Variants in RIN3 observed in about 807,000 individuals in gnomAD.
RIN3 encodes RAB5 interacting protein 3.
A neutral mutation model predicts 76.3 loss-of-function variants in RIN3; 54 were observed. The observed-to-expected ratio is 0.71, with a 90% CI of 0.57 to 0.89. RIN3 has a LOEUF of 0.89. Ranked by LOEUF, RIN3 falls within the 40% of genes least tolerant of loss-of-function variation. The probability of loss-of-function intolerance (pLI) is 0.00; values close to 1 mark genes in which losing one functional copy is unlikely to be tolerated. For synonymous variants in RIN3, 576 were observed against 564.0 expected (o/e 1.02, Z -0.30); for missense variants, 1,256 against 1,322.1 (o/e 0.95, Z 0.78).
At chr14:92,671,273 G>A (rs1366408731) in intron 7 of RIN3, among the ~76,000 whole-genome samples, 1 of 152,112 alleles carries the variant, frequency 6.6e-6, no homozygotes, top group Non-Finnish European at 1.5e-5. Flanking sequence ...GCTGGAGGAT[G>A]TGGGAGAGCA....
Position 92,638,354 on chromosome 14 carries a change from G to A in RIN3, c.441-2884G>A, listed in dbSNP as rs72699853. ...CAGGAGTCCCCCGAGTGTGGGGAAG[G>A]GACTGTGGAGGGCGGATGTTGGGGG... On this transcript the variant is annotated intron_variant, in intron 4 of 9. Transcript: ENST00000216487. Among the ~76,000 whole-genome samples the A allele has an allele frequency of 4.1e-3, 627 of 152,336 alleles. 5 individuals carry two copies. Among genetic ancestry groups the A allele is most frequent in the Non-Finnish European group, 3.6e-3 (245 of 68,036 alleles).
At chr14:92,527,525 CTG>C (rs753430691) in intron 1 of RIN3, among the ~76,000 whole-genome samples, 4 of 152,168 alleles carry the variant, frequency 2.6e-5, no homozygotes, top group Middle Eastern at 3.2e-3. Context: ...CTGTAACAAA[CTG>C]TAATTTACAC....
intron 1 of RIN3, among the ~76,000 whole-genome samples, chr14:92,529,890 TG>T (rs1303718124): frequency 6.6e-6 from 1 of 152,202 alleles, no homozygotes; most frequent in Non-Finnish European, 1.5e-5. Flanking sequence ...GTGAGTTCAG[TG>T]TCAATGAATC....
chr14:92,618,046 A>G (rs1791264257), intron 4 of RIN3, among the ~76,000 whole-genome samples: 1 of 152,200 alleles, frequency 6.6e-6, no homozygotes. Flanking sequence ...AAATGAACCA[A>G]TGTTTCGTTT....
At chr14:92,672,835 C>G (rs747083325) in intron 7 of RIN3, among the ~76,000 whole-genome samples, 26 of 152,140 alleles carry the variant, frequency 1.7e-4, no homozygotes, top group Admixed American at 5.2e-4. Context: ...CTCTTTTCTG[C>G]CCAGCTCCAG....
At chr14:92,610,382 A>G (rs1302382530) in intron 3 of RIN3, among the ~76,000 whole-genome samples, 1 of 151,802 alleles carries the variant, frequency 6.6e-6, no homozygotes, top group Non-Finnish European at 1.5e-5. Context: ...GTCTCTGTTT[A>G]TTTGGCCCAT....
chr14:92,672,782 C>A (rs1888330756), intron 7 of RIN3, among the ~76,000 whole-genome samples: 1 of 152,096 alleles, frequency 6.6e-6, no homozygotes, highest in South Asian at 2.1e-4. Context: ...ATTTTTATCA[C>A]CCCAAAAAGA....
chr14:92,666,341 A>G (rs915935043), intron 7 of RIN3, among the ~76,000 whole-genome samples: 22 of 152,250 alleles, frequency 1.4e-4, no homozygotes, highest in African/African-American at 5.3e-4. Context: ...TTAACTGGCC[A>G]TGCTATCTTC....
chr14:92,541,142 G>A (rs1211603967), intron 1 of RIN3, among the ~76,000 whole-genome samples: 1 of 152,200 alleles, frequency 6.6e-6, no homozygotes, highest in Non-Finnish European at 1.5e-5. Flanking sequence ...AACAGAACCA[G>A]ACAGTGTCAT....
At chr14:92,653,991 C>T (rs1887569099) in intron 6 of RIN3, among the ~76,000 whole-genome samples, 1 of 152,124 alleles carries the variant, frequency 6.6e-6, no homozygotes, top group Non-Finnish European at 1.5e-5. Context: ...GTACTCCAGT[C>T]TGGGTGACAG....
chr14:92,615,561 C>A, intron 4 of RIN3, 82 bp downstream of exon 4: 2 of 1,188,552 alleles, frequency 1.7e-6, no homozygotes, highest in Non-Finnish European at 2.5e-6. Flanking sequence ...GGGGACTTCA[C>A]AGGGAAGCCC....
At chr14:92,676,165 T>C (rs1026888758) in intron 7 of RIN3, among the ~76,000 whole-genome samples, 1 of 151,844 alleles carries the variant, frequency 6.6e-6, no homozygotes, top group East Asian at 1.9e-4. Flanking sequence ...TGAATTTGTC[T>C]GTCAAGCAAG....
intron 7 of RIN3, among the ~76,000 whole-genome samples, chr14:92,665,629 C>T (rs1378808477): frequency 1.3e-5 from 2 of 152,054 alleles, no homozygotes; most frequent in Non-Finnish European, 2.9e-5. Flanking sequence ...GATCCACCCA[C>T]CTCGGCCTCT....
chr14:92,546,213 C>G (rs1897261987), intron 1 of RIN3, among the ~76,000 whole-genome samples: 1 of 152,096 alleles, frequency 6.6e-6, no homozygotes, highest in Non-Finnish European at 1.5e-5. Context: ...GCTTGAGCCA[C>G]TGTGCCTGGC....
chr14:92,627,908 C>T (rs1886416337), intron 4 of RIN3, among the ~76,000 whole-genome samples: 1 of 152,230 alleles, frequency 6.6e-6, no homozygotes, highest in Admixed American at 6.5e-5. Context: ...AAGGGCGCTT[C>T]CTGCATGCAA....
At chr14:92,667,546 A>G (rs1461486070) in intron 7 of RIN3, among the ~76,000 whole-genome samples, 1 of 152,128 alleles carries the variant, frequency 6.6e-6, no homozygotes, top group East Asian at 1.9e-4. Context: ...CTGATTTTTG[A>G]TGATCAAAGT....
intron 4 of RIN3, among the ~76,000 whole-genome samples, chr14:92,633,209 A>G (rs1886654049): frequency 6.6e-6 from 1 of 152,130 alleles, no homozygotes; most frequent in Non-Finnish European, 1.5e-5. Flanking sequence ...GAAGACGAAC[A>G]TGCATGATGG....
intron 5 of RIN3, chr14:92,645,150 G>A (rs1887153858): frequency 6.6e-6 from 1 of 152,340 alleles, no homozygotes; most frequent in African/African-American, 2.4e-5. Flanking sequence ...CGACTAGCGG[G>A]GCTCTGACTC....
At chr14:92,555,624 A>T in intron 1 of RIN3, 127 bp from the exon 2 acceptor site, 1 of 855,646 alleles carries the variant, frequency 1.2e-6, no homozygotes, top group Admixed American at 2.4e-5. Context: ...ATTTTTTTTT[A>T]ATTCCCCAAA....
Sources: allele counts gnomAD v4.1 joint callset (sites outside exome capture counted in the v4.1 genomes callset), GRCh38; gene constraint gnomAD v4.1.1; transcripts MANE v1.5; gene names NCBI Gene and HGNC (gene_info 2026-07-23, HGNC 2026-07-21).